The following WDR27 variants were observed in gnomAD, a reference collection of about 807,000 sequenced individuals.
The protein encoded by WDR27 is WD repeat-containing protein 27.
WDR27 carries 100 observed loss-of-function variants against 114.4 expected under a neutral mutation model. The ratio of observed to expected loss-of-function variants is 0.87; its 90% CI spans 0.74 to 1.03. The LOEUF is 1.03. Among genes scored for constraint, WDR27 ranks in the 50% least tolerant of loss-of-function variants. The probability of loss-of-function intolerance (pLI) is 0.00; values close to 1 mark genes in which losing one functional copy is unlikely to be tolerated. For synonymous variants in WDR27, 449 were observed against 423.1 expected (o/e 1.06, Z -0.75); for missense variants, 1,129 against 1,092.9 (o/e 1.03, Z -0.47).
chr6:169,692,539 A>G (rs984736068), intron 1 of WDR27, among the ~76,000 whole-genome samples: 1 of 152,198 alleles, frequency 6.6e-6, no homozygotes, highest in Non-Finnish European at 1.5e-5. Flanking sequence ...GGCCTGGGGC[A>G]GGGCTGAGTC....
chr6:169,534,275 C>A (rs2128084371), intron 25 of WDR27, among the ~76,000 whole-genome samples: 1 of 152,044 alleles, frequency 6.6e-6, no homozygotes, highest in East Asian at 1.9e-4. Flanking sequence ...TCATAGATTG[C>A]TAGATTTTAT....
At chr6:169,562,304 T>TCTATCC (rs1472620617) in intron 25 of WDR27, among the ~76,000 whole-genome samples, 1 of 152,160 alleles carries the variant, frequency 6.6e-6, no homozygotes, top group Non-Finnish European at 1.5e-5. Flanking sequence ...AAGTATTTCC[T>TCTATCC]CTATCCATGT....
At chr6:169,675,605 T>C (rs979078574) in intron 2 of WDR27, among the ~76,000 whole-genome samples, 2 of 152,268 alleles carry the variant, frequency 1.3e-5, no homozygotes, top group Non-Finnish European at 2.9e-5. Context: ...AAGAAATACA[T>C]TGGTTTCGTT....
intron 18 of WDR27, among the ~76,000 whole-genome samples, chr6:169,637,334 C>G (rs561217129): frequency 6.6e-6 from 1 of 152,182 alleles, no homozygotes; most frequent in Admixed American, 6.5e-5. Context: ...ATTTAAAATT[C>G]TTCAAATGTT....
At chr6:169,577,846 C>G (rs1250190007) in intron 24 of WDR27, among the ~76,000 whole-genome samples, 1 of 152,186 alleles carries the variant, frequency 6.6e-6, no homozygotes, top group Non-Finnish European at 1.5e-5. Flanking sequence ...GGACTTAGAC[C>G]TGTACCCTCC....
chr6:169,587,217 T>TC lies in WDR27; in HGVS notation c.2425-4284_2425-4283insG, dbSNP rs1398323742. On this transcript the variant is annotated intron_variant, in intron 23 of 25. Transcript: ENST00000448612. ...ATCCTTTCTCCTCAAGGATTTTCTT[T>TC]TTTTTTTTTTTTTTTTTTAAAGACA... Among the ~76,000 whole-genome samples, 5 of 131,226 alleles carry TC rather than the reference T, an allele frequency of 3.8e-5. No individual in the cohort carries two copies. The East Asian group carries it at 7.0e-4, about 18-fold the overall frequency. The allele number at this position is 131,226 out of a possible 152,430, so 86.1% of individuals were successfully genotyped here.
intron 25 of WDR27, among the ~76,000 whole-genome samples, chr6:169,470,159 C>T (rs146224556): frequency 3.4e-4 from 52 of 152,314 alleles, no homozygotes; most frequent in East Asian, 1.9e-3. Flanking sequence ...TTTTCAGTAA[C>T]GTGATTTTCA....
intron 2 of WDR27, among the ~76,000 whole-genome samples, chr6:169,685,094 T>C (rs1028851895): frequency 2.6e-5 from 4 of 152,130 alleles, no homozygotes; most frequent in African/African-American, 7.2e-5. Context: ...ACACAGATAC[T>C]ACGCTACTAC....
chr6:169,598,702 C>T (rs1275362685), intron 23 of WDR27, among the ~76,000 whole-genome samples: 2 of 152,194 alleles, frequency 1.3e-5, no homozygotes, highest in Non-Finnish European at 2.9e-5. Flanking sequence ...CACCAAGGAA[C>T]CCCAGGGACT....
chr6:169,445,386 G>C, the WDR27 span, among the ~76,000 whole-genome samples: 1 of 152,146 alleles, frequency 6.6e-6, no homozygotes, highest in Non-Finnish European at 1.5e-5. Flanking sequence ...GGACCGCGAA[G>C]GTGTAGGGTC....
chr6:169,492,198 G>A (rs1322152206), intron 25 of WDR27, among the ~76,000 whole-genome samples: 1 of 150,756 alleles, frequency 6.6e-6, no homozygotes, highest in African/African-American at 2.4e-5. Context: ...GTATGTTAGA[G>A]AACACATTAG....
At chr6:169,564,352 C>A (rs1800118441) in intron 25 of WDR27, among the ~76,000 whole-genome samples, 2 of 152,192 alleles carry the variant, frequency 1.3e-5, no homozygotes, top group Non-Finnish European at 1.5e-5. Flanking sequence ...CTGCCTTTCC[C>A]AGCTCACAGA....
intron 21 of WDR27, among the ~76,000 whole-genome samples, chr6:169,624,182 G>A (rs12209199): frequency 9.9e-5 from 15 of 151,630 alleles, no homozygotes; most frequent in East Asian, 1.9e-4. Context: ...GGTGTGCAGC[G>A]TGTGGCATCA....
At chr6:169,556,234 C>A (rs1277428826) in intron 25 of WDR27, among the ~76,000 whole-genome samples, 1 of 152,138 alleles carries the variant, frequency 6.6e-6, no homozygotes, top group Non-Finnish European at 1.5e-5. Flanking sequence ...GGAACTGAAG[C>A]CCTCAGTCCT....
At chr6:169,616,120 A>G (rs1459857829) in intron 21 of WDR27, among the ~76,000 whole-genome samples, 1 of 152,196 alleles carries the variant, frequency 6.6e-6, no homozygotes, top group Non-Finnish European at 1.5e-5. Context: ...ACTGCACGTG[A>G]AAATATAAGA....
chr6:169,431,198 C>A, the WDR27 span, among the ~76,000 whole-genome samples: 1 of 152,144 alleles, frequency 6.6e-6, no homozygotes, highest in African/African-American at 2.4e-5. Flanking sequence ...TCTAATAAAA[C>A]CCTCAAACTT....
At chr6:169,571,749 C>T (rs1391443255) in intron 25 of WDR27, among the ~76,000 whole-genome samples, 2 of 152,096 alleles carry the variant, frequency 1.3e-5, no homozygotes, top group Admixed American at 6.6e-5. Flanking sequence ...GAGGTGGGAG[C>T]ATCACTGGAG....
At chr6:169,641,009 C>T (rs1263496599) in intron 17 of WDR27, among the ~76,000 whole-genome samples, 2 of 151,842 alleles carry the variant, frequency 1.3e-5, no homozygotes, top group East Asian at 3.9e-4. Context: ...CTCGTCCTTC[C>T]CACCTCCTCC....
rs1391936712 is a variant in WDR27, at chr6:169,674,139, A to C, written c.190-1743T>G. Among the ~76,000 whole-genome samples the C allele has an allele frequency of 2.0e-5, 3 of 152,226 alleles. 1 individual carries two copies. The East Asian group carries it at 5.8e-4, about 29-fold the overall frequency. Reference sequence around the variant, plus strand: ...GAATCCAGAGTATCAAATCAGCTATACTTTTTTTTCATATACAAAATCCAG... The same window carrying C: ...GAATCCAGAGTATCAAATCAGCTATCCTTTTTTTTCATATACAAAATCCAG... On this transcript the variant is annotated intron_variant, in intron 2 of 25. Coordinates refer to ENST00000448612, the MANE Select transcript of WDR27 (RefSeq NM_182552.5).
Sources: allele counts gnomAD v4.1 joint callset (sites outside exome capture counted in the v4.1 genomes callset), GRCh38; gene constraint gnomAD v4.1.1; transcripts MANE v1.5; gene names NCBI Gene and HGNC (gene_info 2026-07-23, HGNC 2026-07-21).